ZBP1: variants seen among roughly 807,000 people sequenced by gnomAD.
ZBP1 encodes Z-DNA binding protein 1.
ZBP1 carries 42 observed loss-of-function variants against 41.1 expected under a neutral mutation model. The ratio of observed to expected loss-of-function variants is 1.02; its 90% confidence interval spans 0.80 to 1.32. The LOEUF (loss-of-function observed/expected upper bound fraction) is 1.32. Among genes scored for constraint, ZBP1 ranks in the 40% most tolerant of loss-of-function variants. The probability of loss-of-function intolerance (pLI) is 0.00; values close to 1 mark genes in which losing one functional copy is unlikely to be tolerated. For synonymous variants in ZBP1, 214 were observed against 205.2 expected (o/e 1.04, Z -0.37); for missense variants, 562 against 549.7 (o/e 1.02, Z -0.22).
chr20:57,613,057 G>T lies in ZBP1; in HGVS notation c.670+106C>A, dbSNP rs994086510. On this transcript the variant is annotated intron_variant, in intron 5 of 7. Coordinates refer to ENST00000371173, the MANE Select transcript of ZBP1 (RefSeq NM_030776.3). The surrounding 1 kb of genome is among the most constrained non-coding windows in gnomAD (Gnocchi z 4.5). ...GGTCTGGAAGCAACCCTTTCCCCTTGGAGGGCAGAATCCCCCCACTCCCCA... is the reference window on the plus strand; with the variant it reads ...GGTCTGGAAGCAACCCTTTCCCCTTTGAGGGCAGAATCCCCCCACTCCCCA... 6 of 1,549,532 alleles carry T rather than the reference G, an allele frequency of 3.9e-6. No homozygotes were observed. In the African/African-American group the frequency reaches 6.8e-5, roughly 18 times the overall value.
intron 7 of ZBP1, chr20:57,607,138 G>A: frequency 7.7e-7 from 1 of 1,304,312 alleles, no homozygotes; most frequent in Non-Finnish European, 1.0e-6. Flanking sequence ...GGCAAAGTAA[G>A]TTGAAAATCT....
In ZBP1 at chr20:57,620,322, G is replaced by A. The variant is rs375078210; in HGVS notation, c.-27C>T. 8.2e-6 allele frequency: 13 copies of A among 1,587,808 alleles called. No homozygotes were observed. Among genetic ancestry groups the A allele is most frequent in the African/African-American group, 1.3e-5 (1 of 74,422 alleles). On this transcript the variant is annotated 5_prime_UTR_variant, in exon 1 of 8. Coordinates refer to ENST00000371173, the MANE Select transcript of ZBP1 (RefSeq NM_030776.3). Reference sequence around the variant, plus strand: ...CTGACAGCAGCTGCAAGGAGTCGGAGAGACTTGGCAGGTGTGCAGGCTTCT... The same window carrying A: ...CTGACAGCAGCTGCAAGGAGTCGGAAAGACTTGGCAGGTGTGCAGGCTTCT...
rs887151445 is a variant in ZBP1, at chr20:57,610,741, G to A, written c.875-374C>T. 14 of 309,186 alleles carry A rather than the reference G, an allele frequency of 4.5e-5. No homozygotes were observed. The highest frequency in any genetic ancestry group is 7.4e-5 in the Non-Finnish European group (12 of 162,096). The allele number at this position is 309,186 out of a possible 1,614,324, so 19.2% of individuals were successfully genotyped here. A position where few individuals can be genotyped will look rare whatever the true frequency, so the allele number is the denominator to read the frequency against. ...AAATCTTATGGGGGCTCCCAGCCTG[G>A]CCCCAGCTCCTGCCATCTGGCTCTG... On this transcript the variant is annotated intron_variant, in intron 6 of 7. Coordinates refer to ENST00000371173, the MANE Select transcript of ZBP1 (RefSeq NM_030776.3). The surrounding 1 kb of genome is among the most constrained non-coding windows in gnomAD (Gnocchi z 5.5).
chr20:57,604,536 C>A lies in ZBP1; in HGVS notation c.*37G>T. On this transcript the variant is annotated 3_prime_UTR_variant, in exon 8 of 8. Coordinates refer to ENST00000371173, the MANE Select transcript of ZBP1 (RefSeq NM_030776.3). ...GCTAGTCTCCCTAGCATGCGCCCAC[C>A]CCCAGCCTGTGTCCAAGCCCCACGT... 14 of 1,606,298 alleles carry A rather than the reference C, an allele frequency of 8.7e-6. No individual in the cohort carries two copies. Among genetic ancestry groups the A allele is most frequent in the Non-Finnish European group, 8.5e-6 (10 of 1,175,022 alleles).
At chr20:57,619,556 A>T (rs1253082048) in intron 1 of ZBP1, among the ~76,000 whole-genome samples, 4 of 152,190 alleles carry the variant, frequency 2.6e-5, no homozygotes, top group Non-Finnish European at 5.9e-5. Context: ...TGAGGAAAGG[A>T]TGCAACAAGG....
chr20:57,606,608 A>G (rs2070504326), intron 7 of ZBP1, among the ~76,000 whole-genome samples: 1 of 152,236 alleles, frequency 6.6e-6, no homozygotes, highest in South Asian at 2.1e-4. Flanking sequence ...TTCAAAGGGG[A>G]CAGGCTCTCT....
Position 57,613,116 on chromosome 20 carries a change from T to C in ZBP1, c.670+47A>G, listed in dbSNP as rs779940514. The C allele has an allele frequency of 3.7e-6, 6 of 1,611,650 alleles. No homozygotes were observed. Among genetic ancestry groups the C allele is most frequent in the Non-Finnish European group, 5.1e-6 (6 of 1,178,756 alleles). On this transcript the variant is annotated intron_variant, in intron 5 of 7. Coordinates refer to ENST00000371173, the MANE Select transcript of ZBP1 (RefSeq NM_030776.3). The surrounding 1 kb of genome is among the most constrained non-coding windows in gnomAD (Gnocchi z 4.5). The stretch of plus-strand genomic sequence containing the variant: ...CTTTGCCCCCACCCAGAGGATCCGG[T>C]GGCTCCCCACCGAGGTCCCCTCCCT...
In ZBP1 at chr20:57,620,402, C is replaced by A; in HGVS notation, c.-107G>T. 1 of 1,276,312 alleles carries A rather than the reference C, an allele frequency of 7.8e-7. No individual in the cohort carries two copies. Among genetic ancestry groups the A allele is most frequent in the Non-Finnish European group, 1.1e-6 (1 of 918,958 alleles). 79.1% of individuals were successfully genotyped at this position (1,276,312 alleles called of 1,614,324 possible). A position where few individuals can be genotyped will look rare whatever the true frequency, so the allele number is the denominator to read the frequency against. On this transcript the variant is annotated 5_prime_UTR_variant, in exon 1 of 8. Transcript: ENST00000371173. ...TCGAGGCTGGGGCTTCTGAAGTGGCCGAGCCTGGTGCTTCTTGCAGCTCTG... is the reference window on the plus strand; with the variant it reads ...TCGAGGCTGGGGCTTCTGAAGTGGCAGAGCCTGGTGCTTCTTGCAGCTCTG...
intron 1 of ZBP1, chr20:57,617,647 A>C (rs1211337549): frequency 2.0e-5 from 3 of 152,332 alleles, no homozygotes; most frequent in Non-Finnish European, 4.4e-5. Flanking sequence ...CCTAGAGGCC[A>C]GGAGTTCTAG....
intron 1 of ZBP1, among the ~76,000 whole-genome samples, chr20:57,619,644 G>A (rs1184930541): frequency 6.6e-6 from 1 of 152,058 alleles, no homozygotes; most frequent in African/African-American, 2.4e-5. Flanking sequence ...GTGTTCAGAC[G>A]CTAACACCAG....
Position 57,610,602 on chromosome 20 carries a change from C to T in ZBP1, c.875-235G>A, listed in dbSNP as rs1411967271. ...CACTGATCCCGCAGTGGGTCTGCCC[C>T]ACTGATCCCGCCCGGCTGATCTGGA... On this transcript the variant is annotated intron_variant, in intron 6 of 7. Coordinates refer to ENST00000371173, the MANE Select transcript of ZBP1 (RefSeq NM_030776.3). This position sits in a 1 kb window ranked among gnomAD's most constrained non-coding sequence, Gnocchi z 5.5. 2.4e-5 allele frequency: 14 copies of T among 584,230 alleles called. No homozygotes were observed. The highest frequency in any genetic ancestry group is 3.7e-5 in the African/African-American group (2 of 53,534). 36.2% of individuals were successfully genotyped at this position (584,230 alleles called of 1,614,324 possible).
chr20:57,613,114 G>A lies in ZBP1; in HGVS notation c.670+49C>T, dbSNP rs746041344. On this transcript the variant is annotated intron_variant, in intron 5 of 7. Transcript: ENST00000371173. The surrounding 1 kb of genome is among the most constrained non-coding windows in gnomAD (Gnocchi z 4.5). The stretch of plus-strand genomic sequence containing the variant: ...CCCTTTGCCCCCACCCAGAGGATCC[G>A]GTGGCTCCCCACCGAGGTCCCCTCC... 10 of 1,575,938 alleles carry A rather than the reference G, an allele frequency of 6.3e-6. No homozygotes were observed. The highest frequency in any genetic ancestry group is 1.7e-4 in the Middle Eastern group (1 of 5,912).
rs2070633671 is a variant in ZBP1 at position 57,610,529 on chromosome 20, A to G, written c.875-162T>C. On this transcript the variant is annotated intron_variant, in intron 6 of 7. Transcript: ENST00000371173. The surrounding 1 kb of genome is among the most constrained non-coding windows in gnomAD (Gnocchi z 5.5). ...CCTGCCCGCCACACCTCCACCCGCCACACCTCCGCTCGTGCTGTTGTGCTG... is the reference window on the plus strand; with the variant it reads ...CCTGCCCGCCACACCTCCACCCGCCGCACCTCCGCTCGTGCTGTTGTGCTG... The G allele has an allele frequency of 3.0e-6, 2 of 674,126 alleles. No homozygotes were observed. Among genetic ancestry groups the G allele is most frequent in the Non-Finnish European group, 5.1e-6 (2 of 393,688 alleles). The allele number at this position is 674,126 out of a possible 1,614,324, so 41.8% of individuals were successfully genotyped here.
intron 3 of ZBP1, 139 bp from the exon 4 acceptor site, chr20:57,615,199 G>C: frequency 1.0e-6 from 1 of 961,594 alleles, no homozygotes; most frequent in Non-Finnish European, 1.6e-6. Flanking sequence ...CATGATAACG[G>C]GGTCATCATG....
intron 1 of ZBP1, among the ~76,000 whole-genome samples, chr20:57,618,728 C>T (rs1261690413): frequency 5.9e-5 from 9 of 152,134 alleles, no homozygotes; most frequent in African/African-American, 1.7e-4. Context: ...ATTACAGGCA[C>T]GCACCACTAC....
At chr20:57,616,627 G>T (rs926572009) in intron 1 of ZBP1, 159 bp from the exon 2 acceptor site, 2 of 683,374 alleles carry the variant, frequency 2.9e-6, no homozygotes, top group Non-Finnish European at 4.9e-6. Context: ...CCTAAGAGCA[G>T]TAGGGCAGCT....
rs754567510 is a variant in ZBP1, at chr20:57,604,718, C to A, written c.1145G>T (p.Gly382Val). The change falls in exon 8 of 8, where the codon GGT (glycine) becomes GTT (valine). Residue 382 changes from glycine to valine, a missense_variant. Transcript: ENST00000371173. ...CGAGTGGCTGGGAGTGATGGGCTGA[C>A]CAATGTCTCGAGGAAAGTGACTTCT... is the stretch of plus-strand genomic sequence containing the variant. ...QSRSHFPRDI[G>V]QPITPSHSKL... 6.2e-7 allele frequency: 1 copy of A among 1,614,104 alleles called. No homozygotes were observed. Among genetic ancestry groups the A allele is most frequent in the Admixed American group, 1.7e-5 (1 of 60,008 alleles).
chr20:57,613,052 C>T lies in ZBP1; in HGVS notation c.670+111G>A. 1 of 1,544,698 alleles carries T rather than the reference C, an allele frequency of 6.5e-7. No homozygotes were observed. Among genetic ancestry groups the T allele is most frequent in the Admixed American group, 2.0e-5 (1 of 50,978 alleles). On this transcript the variant is annotated intron_variant, in intron 5 of 7. Coordinates refer to ENST00000371173, the MANE Select transcript of ZBP1 (RefSeq NM_030776.3). The surrounding 1 kb of genome is among the most constrained non-coding windows in gnomAD (Gnocchi z 4.5). ...GTGGGGGTCTGGAAGCAACCCTTTC[C>T]CCTTGGAGGGCAGAATCCCCCCACT...
At chr20:57,608,947 G>A (rs2070571666) in intron 7 of ZBP1, among the ~76,000 whole-genome samples, 1 of 152,224 alleles carries the variant, frequency 6.6e-6, no homozygotes, top group Non-Finnish European at 1.5e-5. Context: ...TCCCAAAAGG[G>A]TAGGAGCGGA....
Sources: gnomAD v4.1 joint callset for allele counts (sites outside exome capture counted in the v4.1 genomes callset) on GRCh38, gnomAD v4.1.1 for gene constraint, Gnocchi (gnomAD v3.1) non-coding constraint, MANE v1.5 for transcripts, NCBI Gene and HGNC (gene_info 2026-07-23, HGNC 2026-07-21) for gene names.